Variants in KIAA1217 observed in about 807,000 individuals in gnomAD.
KIAA1217 encodes the protein KIAA1217.
In KIAA1217, 88 loss-of-function variants were observed where a neutral mutation model predicts 163.9. That is an observed-to-expected ratio of 0.54 (90% CI 0.45 to 0.64). The LOEUF (loss-of-function observed/expected upper bound fraction) is 0.64, where lower values mean the gene tolerates loss of function less well. KIAA1217 is among the 30% of genes least tolerant of loss of function. KIAA1217 has a pLI of 0.00. For missense variants in KIAA1217, 2,372 were observed against 2,475.0 expected, an observed-to-expected ratio of 0.96 and a Z score of 0.88; for synonymous variants, 903 against 923.1, an observed-to-expected ratio of 0.98 and a Z score of 0.39.
At chr10:24,426,747 G>A (rs1341343923) in intron 3 of KIAA1217, among the ~76,000 whole-genome samples, 8 of 152,204 alleles carry the variant, frequency 5.3e-5, no homozygotes, top group Non-Finnish European at 1.2e-4. Context: ...ATTGTTCAGA[G>A]GACTTGATGT....
chr10:24,193,795 G>A (rs1027160254), intron 2 of KIAA1217, among the ~76,000 whole-genome samples: 6 of 126,268 alleles, frequency 4.8e-5, no homozygotes, highest in South Asian at 2.9e-4. Context: ...CATCTGCAGC[G>A]TTTTCTACAC....
chr10:24,415,674 G>T (rs998507501), intron 3 of KIAA1217, among the ~76,000 whole-genome samples: 1 of 152,016 alleles, frequency 6.6e-6, no homozygotes, highest in African/African-American at 2.4e-5. Flanking sequence ...ACACACTCTT[G>T]CACACTCACA....
chr10:24,298,575 A>G (rs1327735811), intron 2 of KIAA1217, among the ~76,000 whole-genome samples: 1 of 152,166 alleles, frequency 6.6e-6, no homozygotes, highest in Non-Finnish European at 1.5e-5. Context: ...AAGTGGGCGG[A>G]TCACCTGAGG....
intron 1 of KIAA1217, among the ~76,000 whole-genome samples, chr10:23,900,110 A>T (rs1160288244): frequency 8.6e-5 from 13 of 150,966 alleles, no homozygotes; most frequent in Admixed American, 8.6e-4. Flanking sequence ...AGTTCAAGTG[A>T]TTTTCCTGCC....
Position 24,189,928 on chromosome 10 carries a change from G to A in KIAA1217, c.-170-29698G>A, listed in dbSNP as rs551267197. ...CCCAGATACTCAGGAGGCTGTGGCA[G>A]GAAGATTGATTGAGCCAAGGAGTTC... On this transcript the variant is annotated intron_variant, in intron 2 of 18. Coordinates refer to the KIAA1217 transcript ENST00000376462. Among the ~76,000 whole-genome samples the A allele has an allele frequency of 6.6e-5, 10 of 151,968 alleles. No individual in the cohort carries two copies. In the East Asian group the frequency reaches 1.7e-3, roughly 27 times the overall value.
intron 2 of KIAA1217, among the ~76,000 whole-genome samples, chr10:24,038,871 C>G (rs114829939): frequency 0.076 from 11,597 of 151,676 alleles, 593 homozygotes; most frequent in Middle Eastern, 0.18. Context: ...CCTGCCTCAG[C>G]CTCTTGGGAC....
At chr10:24,401,331 A>G (rs1336168238) in intron 3 of KIAA1217, among the ~76,000 whole-genome samples, 2 of 152,130 alleles carry the variant, frequency 1.3e-5, no homozygotes, top group African/African-American at 2.4e-5. Context: ...TATTTCACAC[A>G]AAAATCCTTA....
intron 2 of KIAA1217, among the ~76,000 whole-genome samples, chr10:24,051,446 G>A (rs191671996): frequency 2.0e-5 from 3 of 152,210 alleles, no homozygotes; most frequent in East Asian, 3.9e-4. Context: ...TAGATCAAAC[G>A]ATAGTTCTTC....
intron 2 of KIAA1217, among the ~76,000 whole-genome samples, chr10:24,369,996 C>T (rs55771137): frequency 0.16 from 23,906 of 152,084 alleles, 2,141 homozygotes; most frequent in South Asian, 0.3. Flanking sequence ...CCGGGCGCGG[C>T]GGCTCACGCC....
At chr10:24,530,987 G>C (rs2073030442) in intron 14 of KIAA1217, among the ~76,000 whole-genome samples, 1 of 151,830 alleles carries the variant, frequency 6.6e-6, no homozygotes, top group South Asian at 2.1e-4. Context: ...TTGATCCCAG[G>C]AGTTCAAGAC....
intron 1 of KIAA1217, among the ~76,000 whole-genome samples, chr10:23,896,681 G>T (rs1481265194): frequency 6.6e-6 from 1 of 152,044 alleles, no homozygotes; most frequent in Non-Finnish European, 1.5e-5. Flanking sequence ...TAAAGGTTGG[G>T]TTAATCTCTT....
At chr10:24,117,437 C>T (rs545477805) in intron 2 of KIAA1217, among the ~76,000 whole-genome samples, 74 of 151,860 alleles carry the variant, frequency 4.9e-4, no homozygotes, top group Non-Finnish European at 8.2e-4. Context: ...CCCAGGAGGT[C>T]GAGACCAGCC....
intron 1 of KIAA1217, among the ~76,000 whole-genome samples, chr10:23,819,247 G>T (rs1365523838): frequency 6.6e-6 from 1 of 152,140 alleles, no homozygotes; most frequent in African/African-American, 2.4e-5. Context: ...CTTGCAGTCA[G>T]ATAGGGCCAC....
At chr10:24,466,077 C>T (rs993692706) in intron 5 of KIAA1217, among the ~76,000 whole-genome samples, 1 of 152,178 alleles carries the variant, frequency 6.6e-6, no homozygotes, top group Non-Finnish European at 1.5e-5. Flanking sequence ...TCATGTTTTC[C>T]CTCTGGTGTT....
Position 23,695,113 on chromosome 10 carries a change from C to G in KIAA1217, c.-442C>G, listed in dbSNP as rs949611061. ...CTCGCCCGGGAGATACCCCTTCCCC[C>G]TCTTGCGCATTTCGCAGCTGCGCTG... On this transcript the variant is annotated 5_prime_UTR_variant, in exon 1 of 19. Transcript: ENST00000376462. This position sits in a 1 kb window ranked among gnomAD's most constrained non-coding sequence, Gnocchi z 4.9. 2 of 152,266 alleles carry G rather than the reference C, an allele frequency of 1.3e-5. No individual in the cohort carries two copies. Among genetic ancestry groups the G allele is most frequent in the Admixed American group, 6.5e-5 (1 of 15,292 alleles). 9.4% of individuals were successfully genotyped at this position (152,266 alleles called of 1,614,324 possible).
In KIAA1217 at chr10:23,706,931, C is replaced by A. The variant is rs563896911; in HGVS notation, c.-321+11697C>A. Among the ~76,000 whole-genome samples, 5 of 152,262 alleles carry A rather than the reference C, an allele frequency of 3.3e-5. No individual in the cohort carries two copies. In the South Asian group the frequency reaches 1.0e-3, roughly 32 times the overall value. ...GTGGGCCAAAGATTCTTGGCTGCCACATGGACACCAGGCGGGGACCTGTTA... is the reference window on the plus strand; with the variant it reads ...GTGGGCCAAAGATTCTTGGCTGCCAAATGGACACCAGGCGGGGACCTGTTA... On this transcript the variant is annotated intron_variant, in intron 1 of 18. Coordinates refer to the KIAA1217 transcript ENST00000376462.
At chr10:24,425,824 A>G (rs1450084490) in intron 3 of KIAA1217, among the ~76,000 whole-genome samples, 2 of 152,250 alleles carry the variant, frequency 1.3e-5, no homozygotes, top group Non-Finnish European at 2.9e-5. Flanking sequence ...GAGAAATGGT[A>G]TCAACTTACT....
At chr10:23,772,818 T>C (rs1834854058) in intron 1 of KIAA1217, among the ~76,000 whole-genome samples, 2 of 152,216 alleles carry the variant, frequency 1.3e-5, no homozygotes, top group African/African-American at 4.8e-5. Context: ...ATCCCTGGCA[T>C]ACAAGCAGCT....
chr10:23,948,825 A>G (rs1844182837), intron 1 of KIAA1217, among the ~76,000 whole-genome samples: 1 of 152,212 alleles, frequency 6.6e-6, no homozygotes, highest in African/African-American at 2.4e-5. Context: ...AAAAAGCAAC[A>G]TTTAAAACCT....
Sources: allele counts gnomAD v4.1 joint callset (sites outside exome capture counted in the v4.1 genomes callset), GRCh38; gene constraint gnomAD v4.1.1; non-coding constraint Gnocchi (gnomAD v3.1); transcripts MANE v1.5; gene names NCBI Gene and HGNC (gene_info 2026-07-23, HGNC 2026-07-21).